ST6GALNAC3: variants seen among roughly 807,000 people sequenced by gnomAD.
ST6GALNAC3 encodes the protein ST6 N-acetylgalactosaminide alpha-2,6-sialyltransferase 3, also known as alpha-N-acetylgalactosaminide alpha-2,6-sialyltransferase 3.
ST6GALNAC3 carries 25 observed loss-of-function variants against 32.7 expected under a neutral mutation model. That is an observed-to-expected ratio of 0.76 (90% CI 0.56 to 1.07). The LOEUF (loss-of-function observed/expected upper bound fraction) is 1.07. Ranked by LOEUF, ST6GALNAC3 falls within the 50% of genes least tolerant of loss-of-function variation. The pLI is 0.00. For synonymous variants in ST6GALNAC3, 129 were observed against 133.1 expected (o/e 0.97, Z 0.21); for missense variants, 355 against 382.4 (o/e 0.93, Z 0.60).
intron 3 of ST6GALNAC3, among the ~76,000 whole-genome samples, chr1:76,624,400 T>G (rs1648834995): frequency 6.6e-6 from 1 of 151,886 alleles, no homozygotes; most frequent in Non-Finnish European, 1.5e-5. Flanking sequence ...TAATGACCAT[T>G]GTATCTTCTT....
At chr1:76,107,923 T>A (rs1163280808) in intron 1 of ST6GALNAC3, among the ~76,000 whole-genome samples, 1 of 152,276 alleles carries the variant, frequency 6.6e-6, no homozygotes. Flanking sequence ...TAGACATTTA[T>A]ATTTCCTGGC....
intron 1 of ST6GALNAC3, among the ~76,000 whole-genome samples, chr1:76,295,413 A>G (rs1416734573): frequency 6.6e-6 from 1 of 152,078 alleles, no homozygotes; most frequent in East Asian, 1.9e-4. Flanking sequence ...ATCTGTGTGT[A>G]TGTGTGTTCC....
At chr1:76,291,406 G>A (rs989175806) in intron 1 of ST6GALNAC3, among the ~76,000 whole-genome samples, 5 of 152,182 alleles carry the variant, frequency 3.3e-5, no homozygotes, top group South Asian at 2.1e-4. Flanking sequence ...CATGAGGCCC[G>A]GCCAATTCAA....
At chr1:76,303,234 T>G (rs1356809055) in intron 1 of ST6GALNAC3, among the ~76,000 whole-genome samples, 5 of 151,924 alleles carry the variant, frequency 3.3e-5, no homozygotes, top group African/African-American at 1.2e-4. Flanking sequence ...GAAGTGAAGT[T>G]TCATAGGTCA....
At chr1:76,455,818 G>C (rs1657738311) in intron 3 of ST6GALNAC3, among the ~76,000 whole-genome samples, 1 of 152,086 alleles carries the variant, frequency 6.6e-6, no homozygotes, top group South Asian at 2.1e-4. Context: ...AATGAAAATT[G>C]CTTGAATTTT....
intron 3 of ST6GALNAC3, among the ~76,000 whole-genome samples, chr1:76,622,928 G>A (rs1183928896): frequency 2.0e-5 from 3 of 151,934 alleles, no homozygotes; most frequent in East Asian, 1.9e-4. Flanking sequence ...GATAATGGGA[G>A]GAAAGTGCTT....
chr1:76,184,916 G>A (rs1230352085), intron 1 of ST6GALNAC3, among the ~76,000 whole-genome samples: 5 of 152,174 alleles, frequency 3.3e-5, no homozygotes, highest in African/African-American at 9.7e-5. Flanking sequence ...GGCCATGTGT[G>A]CTTCTGTCTC....
At chr1:76,232,262 A>G (rs1048677927) in intron 1 of ST6GALNAC3, among the ~76,000 whole-genome samples, 1 of 152,346 alleles carries the variant, frequency 6.6e-6, no homozygotes, top group East Asian at 1.9e-4. Flanking sequence ...ATACTTTTCC[A>G]GAGTTTGTAG....
At chr1:76,334,724 C>T (rs1647326362) in intron 2 of ST6GALNAC3, among the ~76,000 whole-genome samples, 1 of 152,074 alleles carries the variant, frequency 6.6e-6, no homozygotes, top group Non-Finnish European at 1.5e-5. Context: ...CAGCTGAAAC[C>T]CTAGAAAGTA....
At chr1:76,182,554 C>G (rs1381644756) in intron 1 of ST6GALNAC3, among the ~76,000 whole-genome samples, 2 of 152,082 alleles carry the variant, frequency 1.3e-5, no homozygotes, top group East Asian at 3.9e-4. Flanking sequence ...GGGGTATCCT[C>G]TGGTCTTGTG....
At chr1:76,471,586 C>T (rs1350774397) in intron 3 of ST6GALNAC3, among the ~76,000 whole-genome samples, 1 of 152,084 alleles carries the variant, frequency 6.6e-6, no homozygotes, top group Non-Finnish European at 1.5e-5. Flanking sequence ...AGCACTAGCA[C>T]TTCAAACCTA....
chr1:76,387,295 C>T (rs561502971), intron 2 of ST6GALNAC3, among the ~76,000 whole-genome samples: 1 of 152,220 alleles, frequency 6.6e-6, no homozygotes, highest in East Asian at 1.9e-4. Flanking sequence ...TGTCTATCTT[C>T]CTGCAAAATT....
In ST6GALNAC3 at chr1:76,300,012, C is replaced by T. The variant is rs147759047; in HGVS notation, c.19-13793C>T. Among the ~76,000 whole-genome samples the T allele has an allele frequency of 5.5e-3, 840 of 152,082 alleles. 4 individuals carry two copies. Among genetic ancestry groups the T allele is most frequent in the Non-Finnish European group, 8.7e-3 (589 of 67,946 alleles). ...CCAGGGCTTAGTGGAAGATGTTTGA[C>T]CATGTGCGCTAACCTATCAGTGTTC... On this transcript the variant is annotated intron_variant, in intron 1 of 4. Transcript: ENST00000328299.
At chr1:76,541,927 A>G (rs1435478060) in intron 3 of ST6GALNAC3, among the ~76,000 whole-genome samples, 10 of 152,128 alleles carry the variant, frequency 6.6e-5, no homozygotes. Flanking sequence ...TAGGAGTACT[A>G]TTCACCCCTT....
At chr1:76,112,783 G>A (rs528516081) in intron 1 of ST6GALNAC3, among the ~76,000 whole-genome samples, 3 of 151,826 alleles carry the variant, frequency 2.0e-5, no homozygotes, top group African/African-American at 7.3e-5. Flanking sequence ...GACGATGGGC[G>A]GCCGGGCAGA....
Position 76,343,566 on chromosome 1 carries a change from C to A in ST6GALNAC3, c.213+29567C>A, listed in dbSNP as rs1557805900. 2.0e-5 allele frequency among the ~76,000 whole-genome samples: 3 copies of A among 152,276 alleles called. No individual in the cohort carries two copies. The South Asian group carries it at 6.2e-4, about 32-fold the overall frequency. ...CCAGGCATGCTGCCAGGATGAACAA[C>A]TAGAAAAACCCTTTGGAACCATGGT... On this transcript the variant is annotated intron_variant, in intron 2 of 4. Transcript: ENST00000328299.
At chr1:76,610,135 G>A (rs150212250) in intron 3 of ST6GALNAC3, among the ~76,000 whole-genome samples, 2,213 of 152,224 alleles carry the variant, frequency 0.015, 60 homozygotes, top group African/African-American at 0.051. Context: ...AATTTATGCT[G>A]CATGGGGAAT....
intron 1 of ST6GALNAC3, among the ~76,000 whole-genome samples, chr1:76,162,205 C>T (rs1334080805): frequency 1.3e-5 from 2 of 152,128 alleles, no homozygotes; most frequent in African/African-American, 4.8e-5. Flanking sequence ...AAATTTAAAC[C>T]CATGGGTTAT....
intron 2 of ST6GALNAC3, among the ~76,000 whole-genome samples, chr1:76,330,157 A>AT (rs72496667): frequency 7.1e-5 from 10 of 141,608 alleles, no homozygotes; most frequent in South Asian, 2.3e-4. Context: ...GGGTTAAGTA[A>AT]TTTTTTTTTT....
Sources: gnomAD v4.1 joint callset for allele counts (sites outside exome capture counted in the v4.1 genomes callset) on GRCh38, gnomAD v4.1.1 for gene constraint, MANE v1.5 for transcripts, NCBI Gene and HGNC (gene_info 2026-07-23, HGNC 2026-07-21) for gene names.